Variants in SEC63 observed in about 807,000 individuals in gnomAD.
SEC63 encodes the protein SEC63 protein translocation regulator, also known as translocation protein SEC63 homolog.
A neutral mutation model predicts 116.2 loss-of-function variants in SEC63; 56 were observed. The ratio of observed to expected loss-of-function variants is 0.48; its 90% CI spans 0.39 to 0.60. SEC63 has a LOEUF of 0.60. Among genes scored for constraint, SEC63 ranks in the 20% least tolerant of loss-of-function variants. SEC63 has a pLI of 0.00. For synonymous variants in SEC63, 273 were observed against 294.6 expected, an observed-to-expected ratio of 0.93 and a Z score of 0.75; for missense variants, 668 against 900.0, an observed-to-expected ratio of 0.74 and a Z score of 3.30.
chr6:107,914,394 A>G (rs1440455158), intron 4 of SEC63, among the ~76,000 whole-genome samples: 2 of 152,156 alleles, frequency 1.3e-5, no homozygotes, highest in African/African-American at 2.4e-5. Context: ...TGTAGTTTCT[A>G]TTTAACAAAA....
At chr6:107,908,607 G>A (rs750695706) in intron 8 of SEC63, among the ~76,000 whole-genome samples, 5 of 152,094 alleles carry the variant, frequency 3.3e-5, no homozygotes, top group Admixed American at 2.6e-4. Context: ...AAAATTAAAT[G>A]AGTCAAGACA....
At chr6:107,920,203 CACG>C (rs1412054970) in intron 4 of SEC63, among the ~76,000 whole-genome samples, 1 of 151,972 alleles carries the variant, frequency 6.6e-6, no homozygotes, top group African/African-American at 2.4e-5. Context: ...GCGGGAGGAT[CACG>C]ACGTCAGGAA....
At chr6:107,919,354 G>A (rs926485792) in intron 4 of SEC63, among the ~76,000 whole-genome samples, 2 of 152,194 alleles carry the variant, frequency 1.3e-5, no homozygotes, top group Non-Finnish European at 2.9e-5. Flanking sequence ...TCTCATGATC[G>A]AACTTGAACA....
intron 18 of SEC63, among the ~76,000 whole-genome samples, chr6:107,879,885 T>C (rs1272381262): frequency 2.0e-5 from 3 of 152,130 alleles, no homozygotes; most frequent in Non-Finnish European, 4.4e-5. Flanking sequence ...GCCACAGCAC[T>C]TGGCCACTAA....
intron 1 of SEC63, among the ~76,000 whole-genome samples, chr6:107,937,985 G>A (rs1295315507): frequency 6.6e-6 from 1 of 152,078 alleles, no homozygotes; most frequent in Non-Finnish European, 1.5e-5. Context: ...TAGGTTGTCT[G>A]TTTACTCTGT....
chr6:107,911,151 G>T (rs1787275330), intron 7 of SEC63, 195 bp downstream of exon 7: 1 of 594,502 alleles, frequency 1.7e-6, no homozygotes, highest in Non-Finnish European at 3.0e-6. Context: ...GAGTGCAGAG[G>T]TGGGGTCATG....
At chr6:107,910,645 TCATA>T (rs1321943421) in intron 7 of SEC63, among the ~76,000 whole-genome samples, 1 of 152,162 alleles carries the variant, frequency 6.6e-6, no homozygotes, top group Non-Finnish European at 1.5e-5. Flanking sequence ...TATACACATG[TCATA>T]CATTTATACA....
intron 3 of SEC63, 81 bp downstream of exon 3, chr6:107,924,737 A>T: frequency 1.3e-6 from 1 of 744,216 alleles, no homozygotes. Flanking sequence ...ATAGGAATAG[A>T]CAATTTCTTT....
chr6:107,922,856 C>A (rs1787589868), intron 3 of SEC63, among the ~76,000 whole-genome samples: 1 of 151,992 alleles, frequency 6.6e-6, no homozygotes, highest in African/African-American at 2.4e-5. Context: ...CTGGATCAAG[C>A]CATCTACTGA....
intron 7 of SEC63, chr6:107,909,248 C>A: frequency 2.2e-6 from 1 of 445,842 alleles, no homozygotes; most frequent in Non-Finnish European, 4.1e-6. Context: ...CATGGTGGCA[C>A]ATGCCTCTAG....
intron 1 of SEC63, among the ~76,000 whole-genome samples, chr6:107,956,802 G>A (rs1226463811): frequency 1.3e-5 from 2 of 152,200 alleles, no homozygotes; most frequent in Non-Finnish European, 2.9e-5. Flanking sequence ...GCTGATTCAA[G>A]GCTTCACTGT....
intron 1 of SEC63, among the ~76,000 whole-genome samples, chr6:107,942,258 C>G (rs1770393006): frequency 6.6e-6 from 1 of 152,146 alleles, no homozygotes; most frequent in African/African-American, 2.4e-5. Context: ...TCTAAAAAAG[C>G]CAGGACTATA....
chr6:107,957,609 A>C, intron 1 of SEC63: 1 of 269,686 alleles, frequency 3.7e-6, no homozygotes, highest in Non-Finnish European at 6.9e-6. Flanking sequence ...AAGGCAGAGA[A>C]GACAAAGAGG....
chr6:107,912,848 G>T, intron 5 of SEC63, 74 bp from the exon 6 acceptor site: 1 of 1,095,128 alleles, frequency 9.1e-7, no homozygotes, highest in Non-Finnish European at 1.4e-6. Flanking sequence ...ATATATTTGG[G>T]ATCTATAATA....
chr6:107,879,789 A>G (rs1786370039), intron 18 of SEC63, among the ~76,000 whole-genome samples: 1 of 149,192 alleles, frequency 6.7e-6, no homozygotes, highest in Non-Finnish European at 1.5e-5. Flanking sequence ...CAGTGGCACA[A>G]TCACAGTTCA....
chr6:107,885,174 CAGAAAGGA>C (rs1286907350), intron 16 of SEC63, among the ~76,000 whole-genome samples: 5 of 149,322 alleles, frequency 3.3e-5, no homozygotes, highest in African/African-American at 1.0e-4. Flanking sequence ...CACAGTGAGG[CAGAAAGGA>C]AGAAAGAAAG....
rs997443733 is a variant in SEC63 at position 107,911,221 on chromosome 6, A to T, written c.624+125T>A. 1.5e-5 allele frequency: 11 copies of T among 748,934 alleles called. No individual in the cohort carries two copies. In the African/African-American group the frequency reaches 1.6e-4, roughly 11 times the overall value. 46.4% of individuals were successfully genotyped at this position (748,934 alleles called of 1,614,324 possible). On this transcript the variant is annotated intron_variant, in intron 7 of 20. Transcript: ENST00000369002. ...ATCCTCCCACCTCACCTTCAGTGGC[A>T]AGACTCTTAAATTCAAGGATCAATG...
intron 14 of SEC63, among the ~76,000 whole-genome samples, chr6:107,894,402 G>T (rs996447951): frequency 6.6e-6 from 1 of 152,110 alleles, no homozygotes; most frequent in African/African-American, 2.4e-5. Flanking sequence ...GGTGGAGCAT[G>T]GTGGCTCATG....
In SEC63 at chr6:107,871,038, G is replaced by C. The variant is rs370370757; in HGVS notation, c.*666C>G. On this transcript the variant is annotated 3_prime_UTR_variant, in exon 21 of 21. Coordinates refer to ENST00000369002, the MANE Select transcript of SEC63 (RefSeq NM_007214.5). ...GATCCTGCATTGATCTGCTAAGATA[G>C]AGGTTTAGAAATGGTTTAAGCCATT... is the stretch of plus-strand genomic sequence containing the variant. The C allele has an allele frequency of 2.0e-5, 3 of 153,342 alleles. No homozygotes were observed. Among genetic ancestry groups the C allele is most frequent in the Admixed American group, 1.3e-4 (2 of 15,354 alleles). 9.5% of individuals were successfully genotyped at this position (153,342 alleles called of 1,614,324 possible).
Sources: gnomAD v4.1 joint callset for allele counts (sites outside exome capture counted in the v4.1 genomes callset) on GRCh38, gnomAD v4.1.1 for gene constraint, MANE v1.5 for transcripts, NCBI Gene and HGNC (gene_info 2026-07-23, HGNC 2026-07-21) for gene names.